Variants in RMDN2 observed in about 807,000 individuals in gnomAD.
RMDN2 encodes regulator of microtubule dynamics 2.
Under a neutral mutation model 52.8 loss-of-function variants are expected in RMDN2, and 61 were observed. The ratio of observed to expected loss-of-function variants is 1.16; its 90% CI spans 0.94 to 1.43. The LOEUF is 1.43. Among genes scored for constraint, RMDN2 ranks in the 40% most tolerant of loss-of-function variants. The pLI, the probability that RMDN2 is intolerant of heterozygous loss-of-function variation, is 0.00. For synonymous variants in RMDN2, 180 were observed against 153.1 expected (o/e 1.18, Z -1.30); for missense variants, 592 against 475.3 (o/e 1.25, Z -2.28).
At chr2:37,923,397 C>T (rs1257171235), upstream of RMDN2, 1 of 152,198 alleles carries the variant, frequency 6.6e-6, no homozygotes, top group African/African-American at 2.4e-5. Flanking sequence ...CCATACGTCA[C>T]ATTTTTATTG....
intron 10 of RMDN2, among the ~76,000 whole-genome samples, chr2:38,033,492 A>G (rs965525414): frequency 1.3e-5 from 2 of 152,304 alleles, no homozygotes; most frequent in East Asian, 3.9e-4. Flanking sequence ...TAGTGATACA[A>G]TCCCAACAAT....
intron 8 of RMDN2, among the ~76,000 whole-genome samples, chr2:38,001,800 A>G (rs1404209077): frequency 2.6e-5 from 4 of 152,236 alleles, no homozygotes; most frequent in African/African-American, 7.2e-5. Flanking sequence ...ATGATTAGAC[A>G]AGAGAGAAAC....
At chr2:38,014,433 A>G (rs1397244497) in intron 10 of RMDN2, among the ~76,000 whole-genome samples, 1 of 152,210 alleles carries the variant, frequency 6.6e-6, no homozygotes, top group Admixed American at 6.5e-5. Context: ...ATTGATCTTA[A>G]AAACACTCTA....
intron 10 of RMDN2, among the ~76,000 whole-genome samples, chr2:38,031,105 A>G (rs1029132663): frequency 2.0e-5 from 3 of 152,176 alleles, no homozygotes; most frequent in Non-Finnish European, 4.4e-5. Context: ...GTAATTTAAG[A>G]TGGGCCTTGG....
chr2:37,926,691 G>GCA (rs1218749801), intron 1 of RMDN2, among the ~76,000 whole-genome samples: 1 of 152,222 alleles, frequency 6.6e-6, no homozygotes, highest in Non-Finnish European at 1.5e-5. Flanking sequence ...GCTTATCCCA[G>GCA]CACTTTGAGA....
chr2:37,960,275 G>A (rs1316095822), intron 2 of RMDN2, among the ~76,000 whole-genome samples: 2 of 152,088 alleles, frequency 1.3e-5, no homozygotes, highest in African/African-American at 2.4e-5. Context: ...GTGTGGGAGT[G>A]TAAGTCTCTT....
At chr2:37,929,865 G>C (rs1248507835) in intron 2 of RMDN2, 136 bp downstream of exon 2, 2 of 619,366 alleles carry the variant, frequency 3.2e-6, no homozygotes, top group East Asian at 5.8e-5. Flanking sequence ...TTTTGACTTA[G>C]ATTATAATTA....
At chr2:37,974,461 T>C (rs1285335986) in intron 3 of RMDN2, among the ~76,000 whole-genome samples, 2 of 147,288 alleles carry the variant, frequency 1.4e-5, no homozygotes, top group African/African-American at 4.9e-5. Context: ...AGAGCTATAA[T>C]TACGCAGATT....
At chr2:37,933,468 C>G (rs1451446806) in intron 2 of RMDN2, among the ~76,000 whole-genome samples, 1 of 152,270 alleles carries the variant, frequency 6.6e-6, no homozygotes, top group Non-Finnish European at 1.5e-5. Flanking sequence ...CCACTGCACC[C>G]CAGCCTGGGC....
intron 10 of RMDN2, among the ~76,000 whole-genome samples, chr2:38,008,128 G>C (rs563596828): frequency 2.3e-4 from 35 of 152,112 alleles, no homozygotes; most frequent in Non-Finnish European, 4.4e-4. Context: ...ACTTCCAACT[G>C]TGTGGTCAAT....
intron 10 of RMDN2, chr2:38,027,945 G>C (rs1679900722): frequency 6.6e-6 from 1 of 152,162 alleles, no homozygotes. Context: ...AACATTGACT[G>C]TCCTGATCTT....
intron 8 of RMDN2, among the ~76,000 whole-genome samples, chr2:37,999,900 C>T (rs950974096): frequency 6.6e-6 from 1 of 152,168 alleles, no homozygotes; most frequent in Non-Finnish European, 1.5e-5. Flanking sequence ...GACCTGGACA[C>T]ACATTTCCTT....
At chr2:38,036,016 G>A (rs912651179) in intron 10 of RMDN2, 8 of 151,692 alleles carry the variant, frequency 5.3e-5, no homozygotes, top group African/African-American at 1.9e-4. Flanking sequence ...CAGGAAAAAC[G>A]AGGGCAAGTA....
rs142588915 is a variant in RMDN2 at position 37,970,927 on chromosome 2, AGAGTTT to A, written c.453-3112_453-3107del. Among the ~76,000 whole-genome samples, 140 of 152,186 alleles carry A rather than the reference AGAGTTT, an allele frequency of 9.2e-4. 2 individuals are homozygous for A. In the East Asian group the frequency reaches 0.023, roughly 25 times the overall value. On this transcript the variant is annotated intron_variant, in intron 2 of 10. Coordinates refer to ENST00000354545, the MANE Select transcript of RMDN2 (RefSeq NM_001170791.3). Reference sequence around the variant, plus strand: ...TTGTCTTTTTATTGTCGAATTGTTAAGAGTTTTATATATATTTTGTATACAAGTCTC... The same window carrying A: ...TTGTCTTTTTATTGTCGAATTGTTAATATATATATTTTGTATACAAGTCTC...
At chr2:37,966,774 G>T (rs1174831277) in intron 2 of RMDN2, among the ~76,000 whole-genome samples, 1 of 152,026 alleles carries the variant, frequency 6.6e-6, no homozygotes, top group Non-Finnish European at 1.5e-5. Flanking sequence ...CATGGAAAAT[G>T]AATATTATGA....
In RMDN2 at chr2:37,981,331, A is replaced by G. The variant is rs138564787; in HGVS notation, c.779A>G (p.His260Arg). The change falls in exon 5 of 11, where the codon CAT becomes CGT. Residue 260 changes from histidine (H) to arginine (R), a missense_variant. His to Arg is a conservative substitution (Grantham distance 29). Coordinates refer to ENST00000354545, the MANE Select transcript of RMDN2 (RefSeq NM_001170791.3). ...ATTAATAGAGCACCCATGAATGGAC[A>G]TTGTCATCTGTGGTAAGTGTATAGG... is the stretch of plus-strand genomic sequence containing the variant. ...RAINRAPMNG[H>R]CHLWYAVLCG... 1.3e-4 allele frequency: 210 copies of G among 1,605,378 alleles called. No homozygotes were observed. The South Asian group carries it at 2.2e-3, about 16-fold the overall frequency.
At chr2:38,002,701 G>A (rs569779003) in intron 8 of RMDN2, among the ~76,000 whole-genome samples, 5 of 152,272 alleles carry the variant, frequency 3.3e-5, no homozygotes, top group African/African-American at 1.2e-4. Flanking sequence ...CATGTCAAAC[G>A]GCTGATAGTG....
intron 4 of RMDN2, among the ~76,000 whole-genome samples, chr2:37,978,977 T>C (rs1204700423): frequency 6.6e-6 from 1 of 152,152 alleles, no homozygotes; most frequent in East Asian, 1.9e-4. Flanking sequence ...ACTGAGTTAA[T>C]GTCTTAGATG....
chr2:37,991,999 T>C (rs1197780569), intron 7 of RMDN2, among the ~76,000 whole-genome samples: 1 of 152,244 alleles, frequency 6.6e-6, no homozygotes, highest in Non-Finnish European at 1.5e-5. Context: ...GATAACTTCT[T>C]CATTGCAGCT....
Sources: gnomAD v4.1 joint callset for allele counts (sites outside exome capture counted in the v4.1 genomes callset) on GRCh38, gnomAD v4.1.1 for gene constraint, MANE v1.5 for transcripts, NCBI Gene and HGNC (gene_info 2026-07-23, HGNC 2026-07-21) for gene names.